SUPT3H: variants seen among roughly 807,000 people sequenced by gnomAD.
SUPT3H encodes the protein SPT3 homolog, SAGA and STAGA complex component.
Under a neutral mutation model 44.3 loss-of-function variants are expected in SUPT3H, and 44 were observed. That is an observed-to-expected ratio of 0.99 (90% CI 0.78 to 1.28). The LOEUF (loss-of-function observed/expected upper bound fraction) is 1.28, where lower values mean the gene tolerates loss of function less well. SUPT3H is among the 50% of genes most tolerant of loss of function. The pLI, the probability that SUPT3H is intolerant of heterozygous loss-of-function variation, is 0.00. For synonymous variants in SUPT3H, 124 were observed against 125.6 expected, an observed-to-expected ratio of 0.99 and a Z score of 0.09; for missense variants, 380 against 387.1, an observed-to-expected ratio of 0.98 and a Z score of 0.15.
intron 3 of SUPT3H, 68 bp from the exon 4 acceptor site, chr6:45,020,700 C>T: frequency 9.1e-7 from 1 of 1,097,890 alleles, no homozygotes; most frequent in Non-Finnish European, 1.3e-6. Flanking sequence ...GTCATGATGT[C>T]TCTAAAGAGA....
intron 2 of SUPT3H, among the ~76,000 whole-genome samples, chr6:45,189,016 G>A (rs1294278419): frequency 6.6e-6 from 1 of 151,994 alleles, no homozygotes; most frequent in Non-Finnish European, 1.5e-5. Context: ...TGCCCAAGGT[G>A]GTCTTGAACT....
intron 2 of SUPT3H, among the ~76,000 whole-genome samples, chr6:45,356,043 A>C (rs1414835174): frequency 6.6e-6 from 1 of 152,190 alleles, no homozygotes; most frequent in Non-Finnish European, 1.5e-5. Context: ...AAGACACAGA[A>C]ACCTATGAAA....
At chr6:45,328,785 G>T (rs1159867348) in intron 2 of SUPT3H, 1 of 1,611,862 alleles carries the variant, frequency 6.2e-7, no homozygotes, top group Non-Finnish European at 8.5e-7. Context: ...TTCTTTTGGG[G>T]TAAGTGTTAC....
chr6:45,121,888 G>A (rs1371770351), intron 2 of SUPT3H, among the ~76,000 whole-genome samples: 1 of 151,986 alleles, frequency 6.6e-6, no homozygotes, highest in East Asian at 1.9e-4. Flanking sequence ...ATGTTGGCCA[G>A]GCTGGTCTCA....
intron 2 of SUPT3H, among the ~76,000 whole-genome samples, chr6:45,199,435 T>C: frequency 6.6e-6 from 1 of 151,404 alleles, no homozygotes; most frequent in East Asian, 1.9e-4. Flanking sequence ...AAAAAGTATT[T>C]TTTGCATATT....
At chr6:45,066,528 G>C (rs1562381350) in intron 3 of SUPT3H, among the ~76,000 whole-genome samples, 1 of 93,002 alleles carries the variant, frequency 1.1e-5, no homozygotes, top group Non-Finnish European at 2.2e-5. Flanking sequence ...AATTGTCCCT[G>C]TTTGCAGATG....
At chr6:45,045,255 C>CT (rs1382961888) in intron 3 of SUPT3H, among the ~76,000 whole-genome samples, 1 of 152,120 alleles carries the variant, frequency 6.6e-6, no homozygotes, top group Non-Finnish European at 1.5e-5. Flanking sequence ...GGGGACCATA[C>CT]TTTGAGAACT....
chr6:44,890,792 A>G (rs970994892), intron 10 of SUPT3H, among the ~76,000 whole-genome samples: 1 of 151,590 alleles, frequency 6.6e-6, no homozygotes, highest in South Asian at 2.1e-4. Flanking sequence ...AAAATGTGGC[A>G]CACATGGAAT....
In SUPT3H at chr6:44,886,191, C is replaced by G. The variant is rs184020143; in HGVS notation, c.912+46462G>C. 4.7e-3 allele frequency among the ~76,000 whole-genome samples: 716 copies of G among 152,298 alleles called. 2 individuals carry two copies. The highest frequency in any genetic ancestry group is 8.4e-3 in the Non-Finnish European group (574 of 68,038). On this transcript the variant is annotated intron_variant, in intron 10 of 10. Coordinates refer to ENST00000371459, the MANE Select transcript of SUPT3H (RefSeq NM_003599.4). ...GAATGGAACCAAGTTGGAAAACACT[C>G]TGCAGGATATTATCCAGGAGAACTT... is the stretch of plus-strand genomic sequence containing the variant.
chr6:45,203,582 T>C (rs1762746463), intron 2 of SUPT3H, among the ~76,000 whole-genome samples: 1 of 152,174 alleles, frequency 6.6e-6, no homozygotes, highest in Non-Finnish European at 1.5e-5. Context: ...TCAGGTCACT[T>C]TATGCCCTCA....
chr6:45,372,041 ATAAC>A (rs1796142146), intron 1 of SUPT3H: 4 of 967,656 alleles, frequency 4.1e-6, no homozygotes, highest in Non-Finnish European at 4.9e-6. Flanking sequence ...AAAGTTTATC[ATAAC>A]TAACCCAAAA....
intron 2 of SUPT3H, among the ~76,000 whole-genome samples, chr6:45,289,235 G>A (rs2065984613): frequency 6.6e-6 from 1 of 151,126 alleles, no homozygotes; most frequent in Admixed American, 6.6e-5. Flanking sequence ...AATTTTAAAG[G>A]GAATTTTTAT....
At chr6:44,965,280 G>A (rs1198712839) in intron 6 of SUPT3H, among the ~76,000 whole-genome samples, 1 of 152,134 alleles carries the variant, frequency 6.6e-6, no homozygotes. Context: ...CGAAGCTGAG[G>A]CAGCAGAACC....
Position 45,296,043 on chromosome 6 carries a change from T to C in SUPT3H, c.101+69158A>G, listed in dbSNP as rs191677405. 3.9e-5 allele frequency among the ~76,000 whole-genome samples: 6 copies of C among 152,122 alleles called. No homozygotes were observed. In the East Asian group the frequency reaches 1.2e-3, roughly 29 times the overall value. On this transcript the variant is annotated intron_variant, in intron 2 of 10. Coordinates refer to ENST00000371459, the MANE Select transcript of SUPT3H (RefSeq NM_003599.4). ...TGCACACACGTTTATAGCAGCACAA[T>C]TCGCAACTGCAAAAACATGGAATCA...
At chr6:45,023,672 A>T (rs1341653625) in intron 3 of SUPT3H, among the ~76,000 whole-genome samples, 2 of 152,184 alleles carry the variant, frequency 1.3e-5, no homozygotes, top group African/African-American at 4.8e-5. Context: ...AGAAAACCAA[A>T]TACTGCATGT....
chr6:45,215,563 G>A (rs1764901894), intron 2 of SUPT3H, among the ~76,000 whole-genome samples: 1 of 151,778 alleles, frequency 6.6e-6, no homozygotes, highest in Non-Finnish European at 1.5e-5. Context: ...GTACAATTGA[G>A]AGCACTAACA....
rs868283679 is a variant in SUPT3H, at chr6:45,018,831, A to G, written c.273+1715T>C. Among the ~76,000 whole-genome samples the G allele has an allele frequency of 2.4e-3, 364 of 151,776 alleles. 1 individual carries two copies. The highest frequency in any genetic ancestry group is 7.5e-3 in the African/African-American group (312 of 41,420). On this transcript the variant is annotated intron_variant, in intron 4 of 10. Transcript: ENST00000371459. ...CTCTTTTTTGGTTGTGTCTCTGCCC[A>G]GCTTTGGTATCAGGATGATGCTGGC...
chr6:44,907,604 G>T (rs550907797), intron 10 of SUPT3H, among the ~76,000 whole-genome samples: 3 of 152,286 alleles, frequency 2.0e-5, no homozygotes, highest in African/African-American at 7.2e-5. Flanking sequence ...CTTGAACCTG[G>T]GAGGCAGAGG....
chr6:45,082,979 A>C (rs915853405), intron 3 of SUPT3H, among the ~76,000 whole-genome samples: 7 of 152,086 alleles, frequency 4.6e-5, no homozygotes, highest in African/African-American at 1.7e-4. Flanking sequence ...ATACATTTAT[A>C]ACATTTTAGC....
Sources: allele counts gnomAD v4.1 joint callset (sites outside exome capture counted in the v4.1 genomes callset), GRCh38; gene constraint gnomAD v4.1.1; transcripts MANE v1.5; gene names NCBI Gene and HGNC (gene_info 2026-07-23, HGNC 2026-07-21).